TMPRSS15: variants seen among roughly 807,000 people sequenced by gnomAD.
TMPRSS15 encodes the protein enteropeptidase.
TMPRSS15 carries 128 observed loss-of-function variants against 125.3 expected under a neutral mutation model. That is an observed-to-expected ratio of 1.02 (90% confidence interval 0.89 to 1.18). The LOEUF is 1.18. TMPRSS15 is among the 50% of genes most tolerant of loss of function. The probability of loss-of-function intolerance (pLI) is 0.00; values close to 1 mark genes in which losing one functional copy is unlikely to be tolerated. For synonymous variants in TMPRSS15, 446 were observed against 423.2 expected, an observed-to-expected ratio of 1.05 and a Z score of -0.66; for missense variants, 1,283 against 1,212.7, an observed-to-expected ratio of 1.06 and a Z score of -0.86.
At chr21:18,281,610 T>C (rs2074698997) in intron 21 of TMPRSS15, among the ~76,000 whole-genome samples, 1 of 152,142 alleles carries the variant, frequency 6.6e-6, no homozygotes, top group South Asian at 2.1e-4. Context: ...ACTTCTAAAA[T>C]TAAATCTCCA....
intron 1 of TMPRSS15, among the ~76,000 whole-genome samples, chr21:18,484,368 T>C (rs1979038723): frequency 1.3e-5 from 2 of 151,864 alleles, no homozygotes; most frequent in Admixed American, 1.3e-4. Context: ...AAGTTTAACA[T>C]AAAAAGTTTA....
intron 1 of TMPRSS15, among the ~76,000 whole-genome samples, chr21:18,472,462 T>C (rs1441579822): frequency 2.3e-5 from 1 of 43,998 alleles, no homozygotes; most frequent in Non-Finnish European, 5.3e-5. Flanking sequence ...GAATTATATA[T>C]ATATATATAT....
chr21:18,375,486 T>A (rs2123023207), intron 5 of TMPRSS15, among the ~76,000 whole-genome samples: 1 of 152,292 alleles, frequency 6.6e-6, no homozygotes, highest in African/African-American at 2.4e-5. Context: ...ACAGAAAATT[T>A]TTAGGAAAGG....
chr21:18,367,827 G>T (rs185782334), intron 6 of TMPRSS15, among the ~76,000 whole-genome samples: 1 of 152,034 alleles, frequency 6.6e-6, no homozygotes, highest in African/African-American at 2.4e-5. Flanking sequence ...CAACCATAAG[G>T]CCTCCTAGCT....
intron 24 of TMPRSS15, 103 bp downstream of exon 24, chr21:18,275,094 G>A: frequency 2.8e-6 from 4 of 1,454,280 alleles, no homozygotes; most frequent in Non-Finnish European, 3.8e-6. Context: ...AAAGAGAAAT[G>A]AAAGAAGCTT....
intron 1 of TMPRSS15, among the ~76,000 whole-genome samples, chr21:18,411,397 AT>A (rs779855146): frequency 6.6e-6 from 1 of 152,090 alleles, no homozygotes; most frequent in Non-Finnish European, 1.5e-5. Flanking sequence ...TGATCTTAAA[AT>A]CACTTTCCTT....
intron 1 of TMPRSS15, among the ~76,000 whole-genome samples, chr21:18,431,364 T>C (rs1171452757): frequency 1.3e-5 from 2 of 152,140 alleles, no homozygotes; most frequent in African/African-American, 2.4e-5. Context: ...TGGTCTCACA[T>C]TGACCATATT....
intron 1 of TMPRSS15, among the ~76,000 whole-genome samples, chr21:18,428,375 G>T (rs1247625138): frequency 6.6e-6 from 1 of 152,188 alleles, no homozygotes; most frequent in Non-Finnish European, 1.5e-5. Context: ...CAAGCAGGCT[G>T]CAGAAATTTG....
At position 18,372,055 on chromosome 21, in the gene TMPRSS15, T is replaced by A. The variant is rs1044229237; in HGVS notation, c.664+138A>T. On this transcript the variant is annotated intron_variant, in intron 6 of 24. Transcript: ENST00000284885. ...GTATTATATTTTAAAAATAGCTATT[T>A]AAATAGCTCATTCTTCAGTAGTTTC... 7.4e-6 allele frequency: 4 copies of A among 542,384 alleles called. No homozygotes were observed. In the African/African-American group the frequency reaches 7.9e-5, roughly 11 times the overall value. 33.6% of individuals were successfully genotyped at this position (542,384 alleles called of 1,614,324 possible). A position where few individuals can be genotyped will look rare whatever the true frequency, so the allele number is the denominator to read the frequency against.
chr21:18,472,893 A>T lies in TMPRSS15; in HGVS notation c.10+12906T>A, dbSNP rs137920341. On this transcript the variant is annotated intron_variant, in intron 1 of 7. Transcript: ENST00000422787. Reference sequence around the variant, plus strand: ...TAGGTAGTTATTCCAATAAGAAGGCACAATAATAGCACGTAAGATTGATAA... The same window carrying T: ...TAGGTAGTTATTCCAATAAGAAGGCTCAATAATAGCACGTAAGATTGATAA... 9.4e-4 allele frequency among the ~76,000 whole-genome samples: 143 copies of T among 152,234 alleles called. 1 individual carries two copies. Among genetic ancestry groups the T allele is most frequent in the African/African-American group, 3.3e-3 (138 of 41,564 alleles).
Position 18,329,308 on chromosome 21 carries a change from A to C in TMPRSS15, c.1655-14T>G. On this transcript the variant is annotated splice_polypyrimidine_tract_variant and intron_variant, in intron 14 of 24. Coordinates refer to ENST00000284885, the MANE Select transcript of TMPRSS15 (RefSeq NM_002772.3). Reference sequence around the variant, plus strand: ...AAATCCAAACACCTAAAAAGTAAGAAGTAACATTTAATTTGGAACACACTT... The same window carrying C: ...AAATCCAAACACCTAAAAAGTAAGACGTAACATTTAATTTGGAACACACTT... 1 of 1,605,826 alleles carries C rather than the reference A, an allele frequency of 6.2e-7. No homozygotes were observed. The highest frequency in any genetic ancestry group is 8.5e-7 in the Non-Finnish European group (1 of 1,175,134).
chr21:18,283,980 G>A (rs73320160), intron 21 of TMPRSS15, among the ~76,000 whole-genome samples: 6,300 of 152,144 alleles, frequency 0.041, 431 homozygotes, highest in African/African-American at 0.14. Context: ...TTAAATATAC[G>A]TGCTTCAAGC....
intron 16 of TMPRSS15, among the ~76,000 whole-genome samples, chr21:18,324,116 C>T (rs1191201544): frequency 2.0e-5 from 3 of 151,946 alleles, no homozygotes; most frequent in Non-Finnish European, 2.9e-5. Context: ...CACACTAAGA[C>T]TTCACGATTT....
chr21:18,375,199 G>C (rs1281820765), intron 5 of TMPRSS15, among the ~76,000 whole-genome samples: 1 of 152,090 alleles, frequency 6.6e-6, no homozygotes, highest in East Asian at 1.9e-4. Context: ...TTATGCAATG[G>C]TAGTGAGTTT....
intron 13 of TMPRSS15, among the ~76,000 whole-genome samples, chr21:18,340,103 C>T (rs1292632863): frequency 3.9e-5 from 6 of 152,126 alleles, no homozygotes; most frequent in African/African-American, 1.2e-4. Flanking sequence ...AGTATTGTTC[C>T]TGGGTGTGTC....
chr21:18,446,696 CAGT>C (rs2076256463), intron 1 of TMPRSS15, among the ~76,000 whole-genome samples: 1 of 152,148 alleles, frequency 6.6e-6, no homozygotes, highest in African/African-American at 2.4e-5. Context: ...AGGAAAAAGA[CAGT>C]CTCTTCAATA....
intron 5 of TMPRSS15, among the ~76,000 whole-genome samples, chr21:18,376,069 T>TA (rs1227814170): frequency 6.6e-6 from 1 of 152,194 alleles, no homozygotes; most frequent in African/African-American, 2.4e-5. Context: ...CCTGATAGCT[T>TA]ACTCAATAGG....
chr21:18,365,348 G>A (rs2075716902), intron 6 of TMPRSS15, 100 bp from the exon 7 acceptor site: 3 of 928,572 alleles, frequency 3.2e-6, no homozygotes, highest in South Asian at 2.7e-5. Context: ...CCTGTACAAG[G>A]TTATTTTATG....
intron 16 of TMPRSS15, among the ~76,000 whole-genome samples, chr21:18,323,602 A>T (rs1488702716): frequency 6.6e-6 from 1 of 152,214 alleles, no homozygotes; most frequent in African/African-American, 2.4e-5. Flanking sequence ...AATTGTTTGG[A>T]TACCTCAATA....
Sources: gnomAD v4.1 joint callset for allele counts (sites outside exome capture counted in the v4.1 genomes callset) on GRCh38, gnomAD v4.1.1 for gene constraint, MANE v1.5 for transcripts, NCBI Gene and HGNC (gene_info 2026-07-23, HGNC 2026-07-21) for gene names.